Variants in TYK2 observed in about 807,000 individuals in gnomAD.
TYK2 encodes tyrosine kinase 2.
A neutral mutation model predicts 130.9 loss-of-function variants in TYK2; 65 were observed. That is an observed-to-expected ratio of 0.50 (90% CI 0.41 to 0.61). The LOEUF (loss-of-function observed/expected upper bound fraction) is 0.61, where lower values mean the gene tolerates loss of function less well. Among genes scored for constraint, TYK2 ranks in the 20% least tolerant of loss-of-function variants. The pLI, the probability that TYK2 is intolerant of heterozygous loss-of-function variation, is 0.00. For missense variants in TYK2, 1,378 were observed against 1,610.7 expected (o/e 0.86, Z 2.47); for synonymous variants, 647 against 658.9 (o/e 0.98, Z 0.28).
chr19:10,377,324 G>GTGGATGGATGGATGGA (rs59020787), intron 3 of TYK2, among the ~76,000 whole-genome samples: 16 of 135,588 alleles, frequency 1.2e-4, no homozygotes, highest in East Asian at 6.4e-4. Flanking sequence ...GAATGAACGG[G>GTGGATGGATGGATGGA]TGGATGGATG....
At position 10,357,872 on chromosome 19, in the gene TYK2, A is replaced by T; in HGVS notation, c.2358T>A (p.Gly786=). 6.2e-7 allele frequency: 1 copy of T among 1,613,408 alleles called. No individual in the cohort carries two copies. Among genetic ancestry groups the T allele is most frequent in the South Asian group, 1.1e-5 (1 of 91,086 alleles). ...IPWLAPECLP[G]GANSLSTAMD... is the part of the protein sequence containing the mutation. ...TGGCGGTGCTTAGGCTGTTGGCCCCACCTGGTAGGCATTCGGGGGCCAGCC... is the reference window on the plus strand; with the variant it reads ...TGGCGGTGCTTAGGCTGTTGGCCCCTCCTGGTAGGCATTCGGGGGCCAGCC... The change falls in exon 17 of 25, where the codon GGT becomes GGA. Residue 786 remains glycine, a synonymous_variant. Transcript: ENST00000525621.
At position 10,357,714 on chromosome 19, in the gene TYK2, C is replaced by G. The variant is rs754693234; in HGVS notation, c.2466+50G>C. The G allele has an allele frequency of 7.7e-6, 12 of 1,558,902 alleles. No individual in the cohort carries two copies. The African/African-American group carries it at 1.5e-4, about 19-fold the overall frequency. ...AGCTCTGATTCTGTCCTCTGGATTT[C>G]TTGGAGGGGCCCCCACTGCGGGGAG... On this transcript the variant is annotated intron_variant, in intron 17 of 24. Coordinates refer to ENST00000525621, the MANE Select transcript of TYK2 (RefSeq NM_003331.5).
rs1377318202 is a variant in TYK2 at position 10,362,475 on chromosome 19, G to A, written c.1477-19C>T. On this transcript the variant is annotated intron_variant, in intron 10 of 24. Coordinates refer to ENST00000525621, the MANE Select transcript of TYK2 (RefSeq NM_003331.5). ...CTGGTGCCTGGCAGGAGGTGGCAGA[G>A]GTGGGAGCAGTAAGCAGGGGACCAG... 1.3e-6 allele frequency: 2 copies of A among 1,581,744 alleles called. No individual in the cohort carries two copies. The highest frequency in any genetic ancestry group is 8.6e-7 in the Non-Finnish European group (1 of 1,163,170).
chr19:10,355,761 A>G (rs1175435924), intron 18 of TYK2, among the ~76,000 whole-genome samples: 2 of 149,634 alleles, frequency 1.3e-5, no homozygotes, highest in Admixed American at 6.7e-5. Flanking sequence ...CAAGAGACTG[A>G]GACCATCCTG....
intron 17 of TYK2, chr19:10,357,477 C>T (rs1382058853): frequency 1.4e-6 from 1 of 703,502 alleles, no homozygotes; most frequent in South Asian, 1.5e-5. Context: ...GCCCTTCTTC[C>T]CCACTCTGCA....
chr19:10,371,962 C>A (rs74675346), intron 3 of TYK2, among the ~76,000 whole-genome samples: 3,528 of 151,994 alleles, frequency 0.023, 62 homozygotes, highest in Non-Finnish European at 0.036. Context: ...AGGAGTGGAA[C>A]TATATGGCCT....
rs2145272190 is a variant in TYK2, at chr19:10,368,039, C to G, written c.465+16G>C. 6.2e-7 allele frequency: 1 copy of G among 1,614,004 alleles called. No homozygotes were observed. The highest frequency in any genetic ancestry group is 8.5e-7 in the Non-Finnish European group (1 of 1,180,022). On this transcript the variant is annotated intron_variant, in intron 5 of 24. Transcript: ENST00000525621. ...GTCTCCCACAAATAGTCTTGCCACC[C>G]CAGCCCTGCTCATACCTGCTCAAAG... is the stretch of plus-strand genomic sequence containing the variant.
chr19:10,362,278 A>G lies in TYK2; in HGVS notation c.1655T>C (p.Leu552Pro). The G allele has an allele frequency of 6.2e-7, 1 of 1,614,126 alleles. No homozygotes were observed. The highest frequency in any genetic ancestry group is 8.5e-7 in the Non-Finnish European group (1 of 1,179,994). ...DDCFSLRRCC[L>P]PQPGETSNLI... ...TATCATCGTACCTCCTGGTTGGGGC[A>G]GGCAACAGCGACGCAGAGAGAAGCA... The change falls in exon 11 of 25, where the codon CTG (leucine) becomes CCG (proline). Residue 552 changes from leucine to proline, a missense_variant. By Grantham distance (98) the Leu-to-Pro change is moderately conservative (BLOSUM62 -3). Transcript: ENST00000525621.
At chr19:10,369,646 C>G in intron 3 of TYK2, 8 of 434,924 alleles carry the variant, frequency 1.8e-5, no homozygotes, top group South Asian at 1.3e-4. Context: ...GCTCCATCCA[C>G]CACCTTCAAA....
chr19:10,376,397 T>TC (rs2042122763), intron 3 of TYK2, among the ~76,000 whole-genome samples: 1 of 130,162 alleles, frequency 7.7e-6, no homozygotes, highest in Admixed American at 8.2e-5. Context: ...AACCTCCATG[T>TC]CCCAGGTTCA....
intron 15 of TYK2, 61 bp from the exon 16 acceptor site, chr19:10,358,199 C>A: frequency 5.9e-6 from 9 of 1,534,744 alleles, no homozygotes; most frequent in Non-Finnish European, 7.9e-6. Flanking sequence ...CAACCCCAAA[C>A]CTGGTCCCCA....
Position 10,353,879 on chromosome 19 carries a change from G to T in TYK2, c.2908+163C>A. The T allele has an allele frequency of 1.2e-6, 1 of 811,722 alleles. No homozygotes were observed. Among genetic ancestry groups the T allele is most frequent in the Non-Finnish European group, 2.0e-6 (1 of 506,458 alleles). 50.3% of individuals were successfully genotyped at this position (811,722 alleles called of 1,614,324 possible). On this transcript the variant is annotated intron_variant, in intron 20 of 24. Coordinates refer to ENST00000525621, the MANE Select transcript of TYK2 (RefSeq NM_003331.5). The surrounding 1 kb of genome is among the most constrained non-coding windows in gnomAD (Gnocchi z 6.9). ...GCAGGTAGCACCCCCCAGATGGGAAGGAGGCAGCCCAGCCACGCTCACCCA... is the reference window on the plus strand; with the variant it reads ...GCAGGTAGCACCCCCCAGATGGGAATGAGGCAGCCCAGCCACGCTCACCCA...
intron 3 of TYK2, among the ~76,000 whole-genome samples, chr19:10,374,336 C>A (rs1461095787): frequency 6.6e-6 from 1 of 151,784 alleles, no homozygotes; most frequent in Non-Finnish European, 1.5e-5. Context: ...GTAATCCCAA[C>A]ACTTTGGGAG....
rs2040901653 is a variant in TYK2 at position 10,353,186 on chromosome 19, G to A, written c.3028-88C>T. The A allele has an allele frequency of 8.1e-7, 1 of 1,240,838 alleles. No homozygotes were observed. Among genetic ancestry groups the A allele is most frequent in the Non-Finnish European group, 1.1e-6 (1 of 933,316 alleles). 76.9% of individuals were successfully genotyped at this position (1,240,838 alleles called of 1,614,324 possible). On this transcript the variant is annotated intron_variant, in intron 21 of 24. Coordinates refer to ENST00000525621, the MANE Select transcript of TYK2 (RefSeq NM_003331.5). The surrounding 1 kb of genome is among the most constrained non-coding windows in gnomAD (Gnocchi z 6.9). ...GACCTGAGCAGCCAGGAGGGCTGGG[G>A]GACAGTCAGGTCAGGCCGGTGGCTA...
At chr19:10,359,751 G>A (rs1388016619) in intron 14 of TYK2, among the ~76,000 whole-genome samples, 6 of 151,608 alleles carry the variant, frequency 4.0e-5, no homozygotes, top group Non-Finnish European at 7.4e-5. Flanking sequence ...AGGCTGAGGC[G>A]GGCGGATCAC....
intron 18 of TYK2, among the ~76,000 whole-genome samples, chr19:10,355,655 G>A (rs867159770): frequency 0.031 from 3,831 of 122,864 alleles, 179 homozygotes; most frequent in African/African-American, 0.12. Context: ...AAAAAAAAAA[G>A]AAAGAAAGAA....
chr19:10,366,761 C>T (rs1233789520), intron 5 of TYK2, among the ~76,000 whole-genome samples, 181 bp from the exon 6 acceptor site: 1 of 149,972 alleles, frequency 6.7e-6, no homozygotes, highest in African/African-American at 2.5e-5. Flanking sequence ...AAGAATATCG[C>T]AAGCCGGGCA....
At position 10,353,950 on chromosome 19, in the gene TYK2, T is replaced by C. The variant is rs1317828066; in HGVS notation, c.2908+92A>G. ...GCAGCCTGGGGTTGAGAGTCTCTAA[T>C]TGGCTAGGCCAGACTGGCCCCGCCC... On this transcript the variant is annotated intron_variant, in intron 20 of 24. Transcript: ENST00000525621. This position sits in a 1 kb window ranked among gnomAD's most constrained non-coding sequence, Gnocchi z 6.9. The C allele has an allele frequency of 5.9e-6, 8 of 1,361,500 alleles. No homozygotes were observed. In the South Asian group the frequency reaches 6.0e-5, roughly 10 times the overall value. 84.3% of individuals were successfully genotyped at this position (1,361,500 alleles called of 1,614,324 possible).
chr19:10,365,295 T>C (rs12720354), intron 7 of TYK2, among the ~76,000 whole-genome samples: 2 of 152,054 alleles, frequency 1.3e-5, no homozygotes, highest in African/African-American at 4.8e-5. Flanking sequence ...AGTCCCCAGA[T>C]GAAGGGGTTC....
Sources: gnomAD v4.1 joint callset for allele counts (sites outside exome capture counted in the v4.1 genomes callset) on GRCh38, gnomAD v4.1.1 for gene constraint, Gnocchi (gnomAD v3.1) non-coding constraint, MANE v1.5 for transcripts, NCBI Gene and HGNC (gene_info 2026-07-23, HGNC 2026-07-21) for gene names.